The following CNTNAP2 variants were observed in gnomAD, a reference collection of about 807,000 sequenced individuals.
CNTNAP2 encodes the protein contactin associated protein 2, also known as contactin-associated protein-like 2.
Under a neutral mutation model 155.2 loss-of-function variants are expected in CNTNAP2, and 98 were observed. The observed-to-expected ratio is 0.63, with a 90% CI of 0.54 to 0.75. CNTNAP2 has a LOEUF of 0.75. CNTNAP2 is among the 30% of genes least tolerant of loss of function. CNTNAP2 has a pLI of 0.00. For missense variants in CNTNAP2, 1,727 were observed against 1,688.1 expected (o/e 1.02, Z -0.40); for synonymous variants, 651 against 631.2 (o/e 1.03, Z -0.47).
At chr7:146,229,654 A>G (rs1584813952) in intron 1 of CNTNAP2, among the ~76,000 whole-genome samples, 1 of 152,238 alleles carries the variant, frequency 6.6e-6, no homozygotes, top group African/African-American at 2.4e-5. Context: ...CTACTGCTAC[A>G]TAATGTATTC....
rs77610603 is a variant in CNTNAP2 at position 146,700,821 on chromosome 7, G to T, written c.98-73450G>T. On this transcript the variant is annotated intron_variant, in intron 1 of 23. Transcript: ENST00000361727. ...ACAAATCCAAGTCCACGGTCCAGGG[G>T]GAGTTTCCTGTAACACAATGCAAAA... Among the ~76,000 whole-genome samples, 108 of 152,192 alleles carry T rather than the reference G, an allele frequency of 7.1e-4. 1 individual carries two copies. In the East Asian group the frequency reaches 0.02, roughly 28 times the overall value.
At chr7:147,091,554 A>G (rs1800404831) in intron 4 of CNTNAP2, among the ~76,000 whole-genome samples, 1 of 151,086 alleles carries the variant, frequency 6.6e-6, no homozygotes, top group South Asian at 2.1e-4. Context: ...GGGGTTCAAA[A>G]GATTCTCTTG....
chr7:147,864,202 T>C (rs1799186059), intron 13 of CNTNAP2, among the ~76,000 whole-genome samples: 1 of 152,192 alleles, frequency 6.6e-6, no homozygotes, highest in African/African-American at 2.4e-5. Context: ...CCCCATTTCT[T>C]GTTTTTGTCA....
chr7:148,067,085 C>A (rs1015039722), intron 15 of CNTNAP2, among the ~76,000 whole-genome samples: 1 of 152,002 alleles, frequency 6.6e-6, no homozygotes. Flanking sequence ...ATCAACCTAC[C>A]GAATTATTTT....
chr7:146,376,542 A>G (rs1448510306), intron 1 of CNTNAP2, among the ~76,000 whole-genome samples: 1 of 152,096 alleles, frequency 6.6e-6, no homozygotes, highest in Admixed American at 6.5e-5. Flanking sequence ...AGAGTTTTCT[A>G]TATTGGCTAT....
chr7:148,113,669 G>A lies in CNTNAP2; in HGVS notation c.2384-4449G>A, dbSNP rs187500613. Among the ~76,000 whole-genome samples, 214 of 152,300 alleles carry A rather than the reference G, an allele frequency of 1.4e-3. 1 individual carries two copies. The highest frequency in any genetic ancestry group is 4.0e-3 in the Admixed American group (61 of 15,300). On this transcript the variant is annotated intron_variant, in intron 15 of 23. Coordinates refer to ENST00000361727, the MANE Select transcript of CNTNAP2 (RefSeq NM_014141.6). ...AAGCCTGCTTTGCAGGCTCAGCCCCGCTCTCCTGCACTAGCTAGAGGTGCC... is the reference window on the plus strand; with the variant it reads ...AAGCCTGCTTTGCAGGCTCAGCCCCACTCTCCTGCACTAGCTAGAGGTGCC...
intron 12 of CNTNAP2, among the ~76,000 whole-genome samples, chr7:147,571,178 G>A (rs1272435429): frequency 1.3e-5 from 2 of 151,114 alleles, no homozygotes; most frequent in Admixed American, 1.3e-4. Context: ...GTGCAGGTTA[G>A]TTACATATGT....
rs191435514 is a variant in CNTNAP2 at position 146,960,149 on chromosome 7, A to C, written c.403-83758A>C. ...TTTTCTTGCACTGAAAGTTCTCCTA[A>C]CTTATGCCATCCTACTGGGGAAAAA... On this transcript the variant is annotated intron_variant, in intron 3 of 23. Coordinates refer to ENST00000361727, the MANE Select transcript of CNTNAP2 (RefSeq NM_014141.6). Among the ~76,000 whole-genome samples the C allele has an allele frequency of 4.5e-4, 69 of 152,162 alleles. 3 individuals are homozygous for C. The East Asian group carries it at 0.01, about 22-fold the overall frequency.
chr7:146,471,874 C>T (rs529057331), intron 1 of CNTNAP2, among the ~76,000 whole-genome samples: 1 of 152,096 alleles, frequency 6.6e-6, no homozygotes, highest in South Asian at 2.1e-4. Context: ...ATCCATAAAT[C>T]ACTTTTTTTG....
At chr7:147,149,789 T>TGA (rs1285612565) in intron 8 of CNTNAP2, among the ~76,000 whole-genome samples, 1 of 151,782 alleles carries the variant, frequency 6.6e-6, no homozygotes, top group Non-Finnish European at 1.5e-5. Context: ...ACAGGGAAAA[T>TGA]GAGATAAGGT....
intron 10 of CNTNAP2, among the ~76,000 whole-genome samples, chr7:147,439,433 G>A (rs959337171): frequency 6.6e-6 from 1 of 151,820 alleles, no homozygotes; most frequent in Non-Finnish European, 1.5e-5. Flanking sequence ...ATTCCATTGT[G>A]GTTAGAAAAG....
At chr7:147,930,072 A>G (rs771874856) in intron 14 of CNTNAP2, among the ~76,000 whole-genome samples, 1 of 152,136 alleles carries the variant, frequency 6.6e-6, no homozygotes, top group Non-Finnish European at 1.5e-5. Context: ...ACAGACTGGT[A>G]CCGGTCCATA....
At chr7:148,204,197 G>A (rs1017241734) in intron 18 of CNTNAP2, among the ~76,000 whole-genome samples, 122 of 152,284 alleles carry the variant, frequency 8.0e-4, no homozygotes, top group African/African-American at 2.7e-3. Flanking sequence ...TAAGACTGCC[G>A]ATACGATGTG....
intron 15 of CNTNAP2, among the ~76,000 whole-genome samples, chr7:148,017,528 T>G (rs1427757982): frequency 6.6e-6 from 1 of 152,204 alleles, no homozygotes; most frequent in African/African-American, 2.4e-5. Context: ...TTAGCTTGGT[T>G]TATAAACTAT....
rs546177714 is a variant in CNTNAP2, at chr7:147,473,083, G to A, written c.1671-12852G>A. Reference sequence around the variant, plus strand: ...AGGGCAATAATGTGAGTTCAAATACGTTCATAGACTGAGAAAACGGAGGTT... The same window carrying A: ...AGGGCAATAATGTGAGTTCAAATACATTCATAGACTGAGAAAACGGAGGTT... On this transcript the variant is annotated intron_variant, in intron 10 of 23. Coordinates refer to ENST00000361727, the MANE Select transcript of CNTNAP2 (RefSeq NM_014141.6). 7.2e-5 allele frequency among the ~76,000 whole-genome samples: 11 copies of A among 152,282 alleles called. No homozygotes were observed. In the South Asian group the frequency reaches 1.2e-3, roughly 17 times the overall value.
intron 13 of CNTNAP2, among the ~76,000 whole-genome samples, chr7:147,668,422 C>A (rs1367699872): frequency 2.6e-5 from 4 of 152,152 alleles, no homozygotes; most frequent in Non-Finnish European, 5.9e-5. Flanking sequence ...GCAGGTCCTT[C>A]AGGAGCCATT....
At chr7:148,331,075 G>A (rs1159272067) in intron 21 of CNTNAP2, among the ~76,000 whole-genome samples, 1 of 150,808 alleles carries the variant, frequency 6.6e-6, no homozygotes, top group East Asian at 2.0e-4. Flanking sequence ...GTGGATGGAT[G>A]GATAGATGGA....
rs190639706 is a variant in CNTNAP2, at chr7:148,310,146, T to G, written c.3475+43020T>G. ...AGGAGAAAAACAGGTATTAAAAGAC[T>G]AAGAATTGGGAGGACCTAGGACATC... On this transcript the variant is annotated intron_variant, in intron 21 of 23. Coordinates refer to ENST00000361727, the MANE Select transcript of CNTNAP2 (RefSeq NM_014141.6). Among the ~76,000 whole-genome samples, 14 of 152,262 alleles carry G rather than the reference T, an allele frequency of 9.2e-5. No homozygotes were observed. In the East Asian group the frequency reaches 2.7e-3, roughly 29 times the overall value.
intron 1 of CNTNAP2, among the ~76,000 whole-genome samples, chr7:146,248,013 C>A (rs967029502): frequency 6.7e-6 from 1 of 149,710 alleles, no homozygotes; most frequent in African/African-American, 2.5e-5. Flanking sequence ...AATAAGGGAT[C>A]GGGGCACAGA....
Sources: allele counts gnomAD v4.1 joint callset (sites outside exome capture counted in the v4.1 genomes callset), GRCh38; gene constraint gnomAD v4.1.1; transcripts MANE v1.5; gene names NCBI Gene and HGNC (gene_info 2026-07-23, HGNC 2026-07-21).